PCDH15: variants seen among roughly 807,000 people sequenced by gnomAD.
PCDH15 encodes the protein protocadherin-15.
A neutral mutation model predicts 178.5 loss-of-function variants in PCDH15; 129 were observed. The ratio of observed to expected loss-of-function variants is 0.72; its 90% CI spans 0.63 to 0.84. PCDH15 has a LOEUF of 0.84. Among genes scored for constraint, PCDH15 ranks in the 40% least tolerant of loss-of-function variants. The pLI, the probability that PCDH15 is intolerant of heterozygous loss-of-function variation, is 0.00. For synonymous variants in PCDH15, 800 were observed against 732.0 expected, an observed-to-expected ratio of 1.09 and a Z score of -1.50; for missense variants, 2,230 against 2,099.9, an observed-to-expected ratio of 1.06 and a Z score of -1.21.
At chr10:53,867,684 A>T (rs2079551186) in intron 26 of PCDH15, among the ~76,000 whole-genome samples, 1 of 152,052 alleles carries the variant, frequency 6.6e-6, no homozygotes, top group African/African-American at 2.4e-5. Flanking sequence ...TGTAATAGGC[A>T]TACAGTGTGA....
chr10:53,883,343 A>G (rs1337432121), intron 26 of PCDH15, among the ~76,000 whole-genome samples: 1 of 152,218 alleles, frequency 6.6e-6, no homozygotes, highest in East Asian at 1.9e-4. Context: ...ACATCATACA[A>G]CAGAAAGAGT....
chr10:55,545,638 T>C (rs1841863825), intron 2 of PCDH15, among the ~76,000 whole-genome samples: 1 of 151,984 alleles, frequency 6.6e-6, no homozygotes, highest in African/African-American at 2.4e-5. Flanking sequence ...TTCAAACTCC[T>C]GACCTCAGGT....
chr10:54,663,436 AAT>A (rs997278576), intron 2 of PCDH15, among the ~76,000 whole-genome samples: 1 of 148,086 alleles, frequency 6.8e-6, no homozygotes, highest in Admixed American at 6.8e-5. Context: ...TATATATATA[AAT>A]ATATATATAA....
chr10:54,677,100 G>A (rs1362256949), intron 1 of PCDH15, among the ~76,000 whole-genome samples: 1 of 152,140 alleles, frequency 6.6e-6, no homozygotes, highest in Non-Finnish European at 1.5e-5. Context: ...GGCACAACAT[G>A]GTGGCTCACA....
chr10:55,497,449 A>G (rs1454795261), intron 2 of PCDH15, among the ~76,000 whole-genome samples: 2 of 151,748 alleles, frequency 1.3e-5, no homozygotes, highest in African/African-American at 4.8e-5. Flanking sequence ...TACTTTTTAA[A>G]AACCTTTGAT....
chr10:54,013,708 A>C (rs2092658517), intron 20 of PCDH15, among the ~76,000 whole-genome samples: 1 of 152,224 alleles, frequency 6.6e-6, no homozygotes, highest in Admixed American at 6.5e-5. Flanking sequence ...CAAACTAATG[A>C]AAACAAAGAT....
intron 2 of PCDH15, among the ~76,000 whole-genome samples, chr10:55,591,178 G>C (rs1429698547): frequency 6.6e-6 from 1 of 151,996 alleles, no homozygotes; most frequent in African/African-American, 2.4e-5. Flanking sequence ...ATGATAGGCA[G>C]TCCTGGTGTG....
intron 2 of PCDH15, among the ~76,000 whole-genome samples, chr10:55,014,654 T>C (rs1840127356): frequency 6.6e-6 from 1 of 152,162 alleles, no homozygotes; most frequent in African/African-American, 2.4e-5. Context: ...AGTCTTGTCT[T>C]TCTAATTCAT....
intron 8 of PCDH15, among the ~76,000 whole-genome samples, chr10:54,272,112 T>C (rs1204399946): frequency 6.8e-6 from 1 of 147,410 alleles, no homozygotes; most frequent in East Asian, 2.0e-4. Flanking sequence ...TGTAGTACAA[T>C]TGGGTATAAA....
At chr10:55,107,484 C>CTTTTTTTTTT (rs11290952) in intron 2 of PCDH15, among the ~76,000 whole-genome samples, 5 of 86,206 alleles carry the variant, frequency 5.8e-5, no homozygotes, top group East Asian at 3.8e-4. Flanking sequence ...ATTCTCTTTC[C>CTTTTTTTTTT]TTTTTTTTTT....
intron 1 of PCDH15, among the ~76,000 whole-genome samples, chr10:54,729,739 C>G (rs1167117292): frequency 6.6e-6 from 1 of 151,518 alleles, no homozygotes; most frequent in Non-Finnish European, 1.5e-5. Flanking sequence ...AGAAAATAAG[C>G]AAAAGAAATG....
intron 8 of PCDH15, among the ~76,000 whole-genome samples, chr10:54,278,386 AT>A (rs1409407777): frequency 6.6e-6 from 1 of 151,526 alleles, no homozygotes; most frequent in Non-Finnish European, 1.5e-5. Context: ...ATTCCTTTTC[AT>A]TAGCCATAAC....
At chr10:54,286,590 T>C (rs976921434) in intron 8 of PCDH15, among the ~76,000 whole-genome samples, 1 of 152,194 alleles carries the variant, frequency 6.6e-6, no homozygotes, top group African/African-American at 2.4e-5. Context: ...TGTTTTTGTT[T>C]TGTACGTTCA....
intron 3 of PCDH15, among the ~76,000 whole-genome samples, chr10:54,426,956 C>T (rs1386587390): frequency 6.6e-6 from 1 of 151,142 alleles, no homozygotes; most frequent in Non-Finnish European, 1.5e-5. Context: ...TTTAAAAGTG[C>T]CAGGCACTGT....
chr10:54,284,575 G>A (rs1212328144), intron 8 of PCDH15, among the ~76,000 whole-genome samples: 2 of 152,116 alleles, frequency 1.3e-5, no homozygotes, highest in East Asian at 1.9e-4. Context: ...TTTATAGAAC[G>A]TAACATAAAG....
intron 2 of PCDH15, among the ~76,000 whole-genome samples, chr10:55,556,820 G>A (rs1842100544): frequency 1.3e-5 from 2 of 152,156 alleles, no homozygotes; most frequent in African/African-American, 4.8e-5. Flanking sequence ...TATCGTGGGA[G>A]ACTGTGTCTC....
chr10:54,270,107 T>C (rs1003191889), intron 8 of PCDH15, among the ~76,000 whole-genome samples: 1 of 152,140 alleles, frequency 6.6e-6, no homozygotes, highest in Non-Finnish European at 1.5e-5. Context: ...TTTTGTTTCA[T>C]ATTTTTTACT....
chr10:54,521,524 A>G (rs2138225478), intron 3 of PCDH15, among the ~76,000 whole-genome samples: 1 of 152,314 alleles, frequency 6.6e-6, no homozygotes, highest in East Asian at 1.9e-4. Flanking sequence ...CTGAAATGTG[A>G]AGCTGCTACT....
intron 14 of PCDH15, among the ~76,000 whole-genome samples, chr10:54,146,132 A>G (rs1306541892): frequency 2.0e-5 from 3 of 151,478 alleles, no homozygotes; most frequent in Non-Finnish European, 4.4e-5. Context: ...GAATAAATAA[A>G]TAGCCTCATC....
Sources: gnomAD v4.1 joint callset for allele counts (sites outside exome capture counted in the v4.1 genomes callset) on GRCh38, gnomAD v4.1.1 for gene constraint, MANE v1.5 for transcripts, NCBI Gene and HGNC (gene_info 2026-07-23, HGNC 2026-07-21) for gene names.